Variants in MYBPC1 observed in about 807,000 individuals in gnomAD.
The protein encoded by MYBPC1 is myosin-binding protein C, slow-type.
In MYBPC1, 52 loss-of-function variants were observed where a neutral mutation model predicts 147.1. That is an observed-to-expected ratio of 0.35 (90% confidence interval 0.28 to 0.45). MYBPC1 has a LOEUF of 0.45. MYBPC1 is among the 20% of genes least tolerant of loss of function. The pLI, the probability that MYBPC1 is intolerant of heterozygous loss-of-function variation, is 1.00. For synonymous variants in MYBPC1, 477 were observed against 475.9 expected (o/e 1.00, Z -0.03); for missense variants, 1,228 against 1,440.3 (o/e 0.85, Z 2.39).
At chr12:101,633,280 G>A (rs780894331) in intron 8 of MYBPC1, among the ~76,000 whole-genome samples, 1 of 152,182 alleles carries the variant, frequency 6.6e-6, no homozygotes, top group Non-Finnish European at 1.5e-5. Flanking sequence ...TTGTTGCAAA[G>A]AGGGGAAGGG....
At chr12:101,689,484 C>T (rs1014846046), downstream of MYBPC1, among the ~76,000 whole-genome samples, 1 of 152,184 alleles carries the variant, frequency 6.6e-6, no homozygotes, top group Admixed American at 6.5e-5. Flanking sequence ...CCCTGACAAG[C>T]GTGGACCTGG....
Position 101,631,565 on chromosome 12 carries a change from T to G in MYBPC1, c.290-6T>G. ...GAGCAAGCTGAATCCCTTATGCTTC[T>G]TCTAGGTGAAGATATCACCTTCATA... On this transcript the variant is annotated splice_region_variant and splice_polypyrimidine_tract_variant and intron_variant, in intron 6 of 31. Coordinates refer to ENST00000361466, the MANE Select transcript of MYBPC1 (RefSeq NM_002465.4). 3.1e-6 allele frequency: 5 copies of G among 1,613,832 alleles called. No individual in the cohort carries two copies. The highest frequency in any genetic ancestry group is 4.2e-6 in the Non-Finnish European group (5 of 1,179,872).
chr12:101,630,016 G>T (rs1255460898), intron 6 of MYBPC1, among the ~76,000 whole-genome samples: 3 of 152,130 alleles, frequency 2.0e-5, no homozygotes, highest in South Asian at 2.1e-4. Context: ...ACCCCAAAAA[G>T]ACCCTATATT....
intron 13 of MYBPC1, 100 bp downstream of exon 13, chr12:101,646,987 C>G: frequency 6.9e-7 from 1 of 1,450,742 alleles, no homozygotes; most frequent in Non-Finnish European, 9.7e-7. Context: ...TCTACACTGG[C>G]AGCTATTATG....
At chr12:101,677,212 G>C (rs202205490) in intron 26 of MYBPC1, 23 bp from the exon 27 acceptor site, 136 of 1,606,928 alleles carry the variant, frequency 8.5e-5, no homozygotes, top group Non-Finnish European at 9.7e-5. Flanking sequence ...TTTTCCTCCA[G>C]TTATTATTTT....
chr12:101,611,665 G>A (rs1884313876), intron 1 of MYBPC1, among the ~76,000 whole-genome samples: 1 of 152,164 alleles, frequency 6.6e-6, no homozygotes, highest in Admixed American at 6.5e-5. Context: ...TGTTTAGATG[G>A]GGAGAAACAG....
intron 1 of MYBPC1, among the ~76,000 whole-genome samples, chr12:101,597,537 G>C (rs1375360069): frequency 6.6e-6 from 1 of 152,214 alleles, no homozygotes; most frequent in Non-Finnish European, 1.5e-5. Context: ...GATCTTGGGA[G>C]AGCTGGTTCT....
At chr12:101,689,252 TG>T (rs1951387125), downstream of MYBPC1, among the ~76,000 whole-genome samples, 1 of 152,204 alleles carries the variant, frequency 6.6e-6, no homozygotes, top group Admixed American at 6.5e-5. Context: ...CTGTTCTGTT[TG>T]GGGATTCAGA....
chr12:101,605,752 C>T (rs545145147), intron 1 of MYBPC1, among the ~76,000 whole-genome samples: 3 of 152,168 alleles, frequency 2.0e-5, no homozygotes, highest in Admixed American at 2.0e-4. Context: ...ATTCCAGCTA[C>T]TCAGGAGGCT....
At chr12:101,600,562 A>G (rs1879496262) in intron 1 of MYBPC1, 1 of 152,172 alleles carries the variant, frequency 6.6e-6, no homozygotes, top group Non-Finnish European at 1.5e-5. Flanking sequence ...GTGAGAGGAG[A>G]TTGCTGTGTA....
At chr12:101,646,294 G>T (rs1001557251) in intron 12 of MYBPC1, among the ~76,000 whole-genome samples, 4 of 146,624 alleles carry the variant, frequency 2.7e-5, no homozygotes, top group South Asian at 2.2e-4. Context: ...ATAAAAATTG[G>T]TTTTTTTTTT....
intron 22 of MYBPC1, among the ~76,000 whole-genome samples, chr12:101,667,460 A>G (rs1594009699): frequency 6.6e-6 from 1 of 152,260 alleles, no homozygotes; most frequent in Non-Finnish European, 1.5e-5. Context: ...ATTATTCAGG[A>G]TGCTTTCATG....
rs151069483 is a variant in MYBPC1, at chr12:101,652,700, A to C, written c.1549A>C (p.Asn517His). 3.1e-6 allele frequency: 5 copies of C among 1,612,764 alleles called. No homozygotes were observed. The African/African-American group carries it at 6.7e-5, about 22-fold the overall frequency. The part of the protein sequence containing the change: ...KGRIHKLVIA[N>H]ALTEDEGDYV... ...TAGGATCCACAAGTTAGTGATAGCC[A>C]ATGCCCTCACTGAAGATGAAGGTGA... is the stretch of plus-strand genomic sequence containing the variant. The change falls in exon 17 of 32, where the codon AAT becomes CAT. Residue 517 changes from asparagine to histidine, a missense_variant. Around this residue, in one of 2 missense-constraint regions of MYBPC1, gnomAD observed 1,077 missense variants for 1,314.2 expected, o/e 0.82. Transcript: ENST00000361466.
At chr12:101,608,252 A>C (rs373227044) in intron 1 of MYBPC1, among the ~76,000 whole-genome samples, 1 of 152,388 alleles carries the variant, frequency 6.6e-6, no homozygotes, top group East Asian at 1.9e-4. Flanking sequence ...GGCTAGCTTT[A>C]GTTGTTGGTT....
intron 10 of MYBPC1, among the ~76,000 whole-genome samples, chr12:101,638,508 AG>A (rs1891425774): frequency 6.6e-6 from 1 of 152,226 alleles, no homozygotes; most frequent in Non-Finnish European, 1.5e-5. Flanking sequence ...AAGTGTAAAA[AG>A]CTTGGTTCAC....
At chr12:101,608,038 G>A (rs1021821594) in intron 1 of MYBPC1, among the ~76,000 whole-genome samples, 21 of 152,160 alleles carry the variant, frequency 1.4e-4, no homozygotes, top group African/African-American at 1.9e-4. Context: ...ACCAGTGCCC[G>A]TCAATTAGAA....
chr12:101,653,373 A>T, intron 18 of MYBPC1, 125 bp downstream of exon 18: 1 of 1,279,090 alleles, frequency 7.8e-7, no homozygotes, highest in Non-Finnish European at 1.1e-6. Flanking sequence ...GCAGTACAGT[A>T]AAGATGTAAT....
At chr12:101,647,657 G>T (rs1315038795) in intron 13 of MYBPC1, among the ~76,000 whole-genome samples, 1 of 152,140 alleles carries the variant, frequency 6.6e-6, no homozygotes, top group Non-Finnish European at 1.5e-5. Context: ...GGAGGCCAAG[G>T]CACGTGATCA....
intron 18 of MYBPC1, among the ~76,000 whole-genome samples, chr12:101,657,415 T>G (rs1895724806): frequency 6.6e-6 from 1 of 152,212 alleles, no homozygotes. Flanking sequence ...TAACAAAAGC[T>G]GGTTCTTTGT....
Sources: allele counts gnomAD v4.1 joint callset (sites outside exome capture counted in the v4.1 genomes callset), GRCh38; gene constraint gnomAD v4.1.1; regional missense constraint gnomAD v4.1.1; transcripts MANE v1.5; gene names NCBI Gene and HGNC (gene_info 2026-07-23, HGNC 2026-07-21).